Variants in HS6ST3 observed in about 807,000 individuals in gnomAD.
The protein encoded by HS6ST3 is heparan sulfate 6-O-sulfotransferase 3, also known as heparan-sulfate 6-O-sulfotransferase 3.
In HS6ST3, 12 loss-of-function variants were observed where a neutral mutation model predicts 36.7. The ratio of observed to expected loss-of-function variants is 0.33; its 90% CI spans 0.21 to 0.53. The LOEUF is 0.53. Among genes scored for constraint, HS6ST3 ranks in the 20% least tolerant of loss-of-function variants. The probability of loss-of-function intolerance (pLI) is 0.95; values close to 1 mark genes in which losing one functional copy is unlikely to be tolerated. For synonymous variants in HS6ST3, 240 were observed against 257.5 expected (o/e 0.93, Z 0.65); for missense variants, 584 against 640.9 (o/e 0.91, Z 0.96).
chr13:96,639,339 A>G (rs867360119), intron 1 of HS6ST3, among the ~76,000 whole-genome samples: 9 of 151,938 alleles, frequency 5.9e-5, no homozygotes, highest in Non-Finnish European at 1.2e-4. Flanking sequence ...TGCTGTTAGT[A>G]TAACCACTCA....
intron 1 of HS6ST3, among the ~76,000 whole-genome samples, chr13:96,789,895 TTTTTTTAAG>T (rs1877741145): frequency 6.6e-6 from 1 of 151,894 alleles, no homozygotes; most frequent in Non-Finnish European, 1.5e-5. Flanking sequence ...TGGGTTGGAA[TTTTTTTAAG>T]TTTATCTTGC....
chr13:96,121,619 C>A (rs1272675944), intron 1 of HS6ST3, among the ~76,000 whole-genome samples: 2 of 152,204 alleles, frequency 1.3e-5, no homozygotes, highest in Non-Finnish European at 2.9e-5. Flanking sequence ...TCCTCCAGTC[C>A]ATGGTTTCTT....
intron 1 of HS6ST3, among the ~76,000 whole-genome samples, chr13:96,704,790 C>T (rs192932590): frequency 2.3e-4 from 35 of 152,206 alleles, no homozygotes; most frequent in Non-Finnish European, 5.0e-4. Flanking sequence ...AATGTCTGAG[C>T]GCACAACTAT....
chr13:96,794,910 C>A (rs1464073798), intron 1 of HS6ST3, among the ~76,000 whole-genome samples: 3 of 152,066 alleles, frequency 2.0e-5, no homozygotes, highest in Non-Finnish European at 4.4e-5. Flanking sequence ...AAGTTTCTTT[C>A]TAGCATTTTT....
intron 1 of HS6ST3, among the ~76,000 whole-genome samples, chr13:96,330,395 C>T (rs1458984994): frequency 6.8e-6 from 1 of 147,872 alleles, no homozygotes; most frequent in Non-Finnish European, 1.5e-5. Flanking sequence ...CAAAATCTCT[C>T]AGCATTTGCT....
At chr13:96,626,069 C>T (rs1159040588) in intron 1 of HS6ST3, among the ~76,000 whole-genome samples, 2 of 151,952 alleles carry the variant, frequency 1.3e-5, no homozygotes, top group South Asian at 2.1e-4. Flanking sequence ...GTCTCGATCT[C>T]GTGACCTCGT....
intron 1 of HS6ST3, among the ~76,000 whole-genome samples, chr13:96,592,933 C>A (rs1172040388): frequency 2.0e-5 from 3 of 151,876 alleles, no homozygotes; most frequent in Non-Finnish European, 2.9e-5. Context: ...GTTAAATCTT[C>A]CTGGTGTTCT....
intron 1 of HS6ST3, among the ~76,000 whole-genome samples, chr13:96,302,742 G>T (rs574307352): frequency 3.3e-5 from 5 of 151,914 alleles, no homozygotes; most frequent in Non-Finnish European, 5.9e-5. Flanking sequence ...AATAATATAC[G>T]TATAATATAT....
At chr13:96,138,903 TA>T (rs2054015895) in intron 1 of HS6ST3, among the ~76,000 whole-genome samples, 1 of 152,134 alleles carries the variant, frequency 6.6e-6, no homozygotes, top group Non-Finnish European at 1.5e-5. Flanking sequence ...GGAAACATCT[TA>T]AAATATGGTT....
Position 96,300,056 on chromosome 13 carries a change from T to TC in HS6ST3, c.707+208487_707+208488insC, listed in dbSNP as rs1281652718. Among the ~76,000 whole-genome samples, 405 of 135,034 alleles carry TC rather than the reference T, an allele frequency of 3.0e-3. 5 individuals carry two copies. Among genetic ancestry groups the TC allele is most frequent in the African/African-American group, 0.011 (394 of 35,824 alleles). The allele number at this position is 135,034 out of a possible 152,430, so 88.6% of individuals were successfully genotyped here. On this transcript the variant is annotated intron_variant, in intron 1 of 1. Transcript: ENST00000376705. ...AGGGAAAAGTGCTACACTTTTTTTTTTTTTTTTTTTTTTTTTTTGAGACAG... is the reference window on the plus strand; with the variant it reads ...AGGGAAAAGTGCTACACTTTTTTTTTCTTTTTTTTTTTTTTTTTTGAGACAG...
chr13:96,574,711 C>T (rs1284079068), intron 1 of HS6ST3, among the ~76,000 whole-genome samples: 1 of 152,178 alleles, frequency 6.6e-6, no homozygotes, highest in Non-Finnish European at 1.5e-5. Flanking sequence ...CTTATCTCAG[C>T]CTTCCCTTAG....
At chr13:96,512,933 GGA>G (rs772778391) in intron 1 of HS6ST3, among the ~76,000 whole-genome samples, 4 of 151,696 alleles carry the variant, frequency 2.6e-5, no homozygotes, top group South Asian at 4.2e-4. Flanking sequence ...CACTACAGGA[GGA>G]GCGATAGTAT....
chr13:96,555,324 C>G lies in HS6ST3; in HGVS notation c.708-277166C>G, dbSNP rs140227861. Among the ~76,000 whole-genome samples, 83 of 152,216 alleles carry G rather than the reference C, an allele frequency of 5.5e-4. 1 individual carries two copies. In the East Asian group the frequency reaches 0.015, roughly 28 times the overall value. The stretch of plus-strand genomic sequence containing the variant: ...ATAAATATATACATTTTTTATTTCT[C>G]TATTAACACAATGAAAAGCATTAGA... On this transcript the variant is annotated intron_variant, in intron 1 of 1. Transcript: ENST00000376705.
At chr13:96,611,038 C>T (rs775190573) in intron 1 of HS6ST3, among the ~76,000 whole-genome samples, 2 of 151,534 alleles carry the variant, frequency 1.3e-5, no homozygotes, top group Non-Finnish European at 2.9e-5. Flanking sequence ...TATCAATTCT[C>T]CTTTTCAGTG....
chr13:96,548,844 G>A (rs1252979938), intron 1 of HS6ST3, among the ~76,000 whole-genome samples: 1 of 152,170 alleles, frequency 6.6e-6, no homozygotes, highest in Non-Finnish European at 1.5e-5. Flanking sequence ...GTGAGAGAGG[G>A]CAATCTGCCT....
At chr13:96,152,743 C>T (rs1443100410) in intron 1 of HS6ST3, among the ~76,000 whole-genome samples, 1 of 152,076 alleles carries the variant, frequency 6.6e-6, no homozygotes, top group Non-Finnish European at 1.5e-5. Context: ...TGTTCCCTTT[C>T]CCCAAAACCT....
intron 1 of HS6ST3, among the ~76,000 whole-genome samples, chr13:96,533,596 A>G (rs910770578): frequency 6.6e-6 from 1 of 152,234 alleles, no homozygotes; most frequent in Non-Finnish European, 1.5e-5. Context: ...GGGGCAGATC[A>G]GCAACAAGGA....
At position 96,620,106 on chromosome 13, in the gene HS6ST3, A is replaced by T. The variant is rs72642800; in HGVS notation, c.708-212384A>T. On this transcript the variant is annotated intron_variant, in intron 1 of 1. Coordinates refer to ENST00000376705, the MANE Select transcript of HS6ST3 (RefSeq NM_153456.4). ...ACTTTGGTGATGAGGCTATCTATCC[A>T]TTGGGGATGGGGATGCCCATGCATG... 4.1e-3 allele frequency among the ~76,000 whole-genome samples: 620 copies of T among 152,308 alleles called. 6 individuals are homozygous for T. Among genetic ancestry groups the T allele is most frequent in the Admixed American group, 7.1e-3 (109 of 15,300 alleles).
At position 96,610,627 on chromosome 13, in the gene HS6ST3, C is replaced by T. The variant is rs760821012; in HGVS notation, c.708-221863C>T. On this transcript the variant is annotated intron_variant, in intron 1 of 1. Transcript: ENST00000376705. Reference sequence around the variant, plus strand: ...CACCAATAGCTTGAAATCCATCAGACGGTAAAGTATGTTATCAAGATTCAT... The same window carrying T: ...CACCAATAGCTTGAAATCCATCAGATGGTAAAGTATGTTATCAAGATTCAT... Among the ~76,000 whole-genome samples the T allele has an allele frequency of 1.9e-4, 29 of 152,178 alleles. 2 individuals are homozygous for T. Among genetic ancestry groups the T allele is most frequent in the African/African-American group, 5.5e-4 (23 of 41,516 alleles).
Sources: allele counts gnomAD v4.1 joint callset (sites outside exome capture counted in the v4.1 genomes callset), GRCh38; gene constraint gnomAD v4.1.1; transcripts MANE v1.5; gene names NCBI Gene and HGNC (gene_info 2026-07-23, HGNC 2026-07-21).